BTBD7: variants seen among roughly 807,000 people sequenced by gnomAD.
BTBD7 encodes the protein BTB domain containing 7, also known as BTB/POZ domain-containing protein 7.
BTBD7 carries 38 observed loss-of-function variants against 99.9 expected under a neutral mutation model. The ratio of observed to expected loss-of-function variants is 0.38; its 90% CI spans 0.29 to 0.50. The LOEUF is 0.50. Ranked by LOEUF, BTBD7 falls within the 20% of genes least tolerant of loss-of-function variation. The probability of loss-of-function intolerance (pLI) is 0.93; values close to 1 mark genes in which losing one functional copy is unlikely to be tolerated. For missense variants in BTBD7, 1,170 were observed against 1,394.6 expected, an observed-to-expected ratio of 0.84 and a Z score of 2.57; for synonymous variants, 520 against 511.4, an observed-to-expected ratio of 1.02 and a Z score of -0.23.
In BTBD7 at chr14:93,257,051, G is replaced by C. The variant is rs772439917; in HGVS notation, c.1608+144C>G. Reference sequence around the variant, plus strand: ...TGGAAGACACAGGAGATACAACATCGTACACAATAGACATCTGTCTCTGTC... The same window carrying C: ...TGGAAGACACAGGAGATACAACATCCTACACAATAGACATCTGTCTCTGTC... On this transcript the variant is annotated intron_variant, in intron 6 of 10. Transcript: ENST00000334746. 10 of 786,456 alleles carry C rather than the reference G, an allele frequency of 1.3e-5. No individual in the cohort carries two copies. In the African/African-American group the frequency reaches 1.4e-4, roughly 11 times the overall value. 48.7% of individuals were successfully genotyped at this position (786,456 alleles called of 1,614,324 possible).
intron 1 of BTBD7, among the ~76,000 whole-genome samples, chr14:93,298,052 T>TG (rs1350341757): frequency 3.3e-5 from 5 of 152,218 alleles, no homozygotes; most frequent in Non-Finnish European, 4.4e-5. Context: ...TATTTCTTTT[T>TG]TTTGTTTGTT....
At chr14:93,323,067 G>A (rs1460605022) in intron 1 of BTBD7, among the ~76,000 whole-genome samples, 1 of 152,084 alleles carries the variant, frequency 6.6e-6, no homozygotes, top group East Asian at 1.9e-4. Context: ...AGGCTGCGGT[G>A]AGCTATGATA....
chr14:93,332,764 G>C (rs1417519441), intron 1 of BTBD7, 56 bp downstream of exon 1: 1 of 1,447,900 alleles, frequency 6.9e-7, no homozygotes, highest in Non-Finnish European at 9.1e-7. Context: ...GACGCCCCGC[G>C]CCACACCGGA....
At chr14:93,289,241 G>A (rs895588678) in intron 3 of BTBD7, among the ~76,000 whole-genome samples, 12 of 152,130 alleles carry the variant, frequency 7.9e-5, no homozygotes, top group Admixed American at 3.3e-4. Flanking sequence ...GAATTAGTAG[G>A]GAATACTTGG....
chr14:93,302,666 G>A (rs948862179), intron 1 of BTBD7, among the ~76,000 whole-genome samples: 1 of 152,056 alleles, frequency 6.6e-6, no homozygotes, highest in African/African-American at 2.4e-5. Context: ...CCAACATGGT[G>A]AAACCCTGTC....
In BTBD7 at chr14:93,303,083, G is replaced by C. The variant is rs531923901; in HGVS notation, c.-106-6926C>G. 7.9e-5 allele frequency among the ~76,000 whole-genome samples: 12 copies of C among 152,298 alleles called. No individual in the cohort carries two copies. In the South Asian group the frequency reaches 1.9e-3, roughly 24 times the overall value. On this transcript the variant is annotated intron_variant, in intron 1 of 10. Coordinates refer to ENST00000334746, the MANE Select transcript of BTBD7 (RefSeq NM_001002860.4). ...TCGGAACACAATAGAGGAACTACTG[G>C]AACAAAGCACAGAGTAGTAAGAGCA...
intron 1 of BTBD7, among the ~76,000 whole-genome samples, chr14:93,322,257 G>A (rs1156913377): frequency 6.6e-6 from 1 of 152,010 alleles, no homozygotes. Flanking sequence ...AGAACTACAG[G>A]TACATACCAC....
At chr14:93,289,382 T>A (rs2052819889) in intron 3 of BTBD7, among the ~76,000 whole-genome samples, 2 of 152,252 alleles carry the variant, frequency 1.3e-5, no homozygotes, top group African/African-American at 4.8e-5. Context: ...TTTAGTTCTA[T>A]GCTATGCATA....
At chr14:93,281,153 A>C (rs906831816) in intron 3 of BTBD7, among the ~76,000 whole-genome samples, 1 of 147,686 alleles carries the variant, frequency 6.8e-6, no homozygotes. Flanking sequence ...GGTGTGCACC[A>C]CTATGCCTGG....
chr14:93,287,222 C>A, intron 3 of BTBD7, among the ~76,000 whole-genome samples: 1 of 130,258 alleles, frequency 7.7e-6, no homozygotes, highest in Non-Finnish European at 1.5e-5. Flanking sequence ...GAGCGAGACT[C>A]TGTCTCAAAA....
At chr14:93,251,423 AT>A in intron 8 of BTBD7, 39 bp downstream of exon 8, 1 of 1,506,680 alleles carries the variant, frequency 6.6e-7, no homozygotes. Flanking sequence ...AAAACAATAA[AT>A]TATTCATTTA....
rs993978104 is a variant in BTBD7, at chr14:93,237,872, C to A, written c.*4401G>T. 2 of 152,604 alleles carry A rather than the reference C, an allele frequency of 1.3e-5. No individual in the cohort carries two copies. The highest frequency in any genetic ancestry group is 2.9e-5 in the Non-Finnish European group (2 of 68,044). The allele number at this position is 152,604 out of a possible 1,614,324, so 9.5% of individuals were successfully genotyped here. A position where few individuals can be genotyped will look rare whatever the true frequency, so the allele number is the denominator to read the frequency against. ...ATCAGTTTAAGAAAAATTTCTGAGC[C>A]TTTAGCATTGAAGGCACTTGACTTT... On this transcript the variant is annotated 3_prime_UTR_variant, in exon 11 of 11. Coordinates refer to ENST00000334746, the MANE Select transcript of BTBD7 (RefSeq NM_001002860.4).
chr14:93,288,999 G>A (rs2052814311), intron 3 of BTBD7, among the ~76,000 whole-genome samples: 1 of 151,978 alleles, frequency 6.6e-6, no homozygotes, highest in Non-Finnish European at 1.5e-5. Context: ...AATTTCTTTA[G>A]AAAATTCAGA....
At chr14:93,280,919 C>T (rs943438178) in intron 3 of BTBD7, among the ~76,000 whole-genome samples, 13 of 151,234 alleles carry the variant, frequency 8.6e-5, no homozygotes, top group African/African-American at 2.9e-4. Context: ...GTAGCCTTGA[C>T]CTCGGTGGAC....
chr14:93,271,947 A>C (rs1368396819), intron 3 of BTBD7, among the ~76,000 whole-genome samples: 1 of 152,192 alleles, frequency 6.6e-6, no homozygotes, highest in East Asian at 1.9e-4. Context: ...TAGAGGTTGC[A>C]GTGAGCCAAG....
chr14:93,268,214 G>A (rs747556660), intron 3 of BTBD7, among the ~76,000 whole-genome samples: 1 of 110,618 alleles, frequency 9.0e-6, no homozygotes, highest in Non-Finnish European at 1.8e-5. Flanking sequence ...TTAAGTCTCA[G>A]CTTAGATGCT....
chr14:93,331,880 C>CCA (rs1291507370), intron 1 of BTBD7, among the ~76,000 whole-genome samples: 1 of 75,058 alleles, frequency 1.3e-5, no homozygotes, highest in South Asian at 4.8e-4. Context: ...GACTCCGTCT[C>CCA]CCCCCCCCCA....
At chr14:93,288,923 T>C (rs900674161) in intron 3 of BTBD7, among the ~76,000 whole-genome samples, 10 of 152,208 alleles carry the variant, frequency 6.6e-5, no homozygotes, top group African/African-American at 9.7e-5. Context: ...CACATAATTA[T>C]AGATTTCAAC....
chr14:93,262,078 C>T (rs1407710958), intron 4 of BTBD7, among the ~76,000 whole-genome samples: 4 of 151,754 alleles, frequency 2.6e-5, no homozygotes, highest in African/African-American at 9.7e-5. Context: ...TGATTCTCCC[C>T]GCTTCAGCCT....
Sources: allele counts gnomAD v4.1 joint callset (sites outside exome capture counted in the v4.1 genomes callset), GRCh38; gene constraint gnomAD v4.1.1; transcripts MANE v1.5; gene names NCBI Gene and HGNC (gene_info 2026-07-23, HGNC 2026-07-21).